Variants in SLC35F4 observed in about 807,000 individuals in gnomAD.
The protein encoded by SLC35F4 is chromosome 14 open reading frame 36.
SLC35F4 carries 24 observed loss-of-function variants against 44.2 expected under a neutral mutation model. That is an observed-to-expected ratio of 0.54 (90% CI 0.39 to 0.76). SLC35F4 has a LOEUF of 0.76. Ranked by LOEUF, SLC35F4 falls within the 30% of genes least tolerant of loss-of-function variation. The pLI is 0.00. For missense variants in SLC35F4, 562 were observed against 586.1 expected, an observed-to-expected ratio of 0.96 and a Z score of 0.42; for synonymous variants, 238 against 223.6, an observed-to-expected ratio of 1.06 and a Z score of -0.57.
intron 1 of SLC35F4, among the ~76,000 whole-genome samples, chr14:57,702,454 A>G (rs142590615): frequency 2.4e-4 from 37 of 152,090 alleles, no homozygotes; most frequent in African/African-American, 7.5e-4. Context: ...TTGTGACTTG[A>G]TATGTCCTTG....
chr14:57,628,721 A>G (rs1403557108), intron 1 of SLC35F4, among the ~76,000 whole-genome samples: 1 of 152,154 alleles, frequency 6.6e-6, no homozygotes, highest in Non-Finnish European at 1.5e-5. Context: ...TAGCAAAGTC[A>G]AAGACACGAA....
At chr14:57,597,403 C>A (rs775327349) in intron 1 of SLC35F4, among the ~76,000 whole-genome samples, 1 of 152,202 alleles carries the variant, frequency 6.6e-6, no homozygotes, top group Non-Finnish European at 1.5e-5. Context: ...TGGTTGGGAT[C>A]TGCATGCTCC....
intron 1 of SLC35F4, among the ~76,000 whole-genome samples, chr14:57,686,132 T>C (rs774380003): frequency 2.6e-5 from 4 of 152,170 alleles, no homozygotes; most frequent in African/African-American, 9.6e-5. Context: ...TGTTTAACCA[T>C]AGTTTCTAAG....
intron 1 of SLC35F4, among the ~76,000 whole-genome samples, chr14:57,952,999 G>A (rs943725893): frequency 7.9e-5 from 12 of 151,992 alleles, no homozygotes; most frequent in African/African-American, 2.4e-4. Context: ...GATTCACCAA[G>A]GTTGAAATGA....
intron 1 of SLC35F4, among the ~76,000 whole-genome samples, chr14:57,735,174 T>C (rs974911361): frequency 1.3e-5 from 2 of 151,842 alleles, no homozygotes; most frequent in African/African-American, 4.8e-5. Flanking sequence ...AGTTGCAGAC[T>C]TTTTTTTCTT....
chr14:57,932,005 G>A (rs1396928414), intron 1 of SLC35F4, among the ~76,000 whole-genome samples: 17 of 152,074 alleles, frequency 1.1e-4, no homozygotes, highest in Admixed American at 9.2e-4. Flanking sequence ...GACAATGGCC[G>A]GTGTCCTTGA....
intron 1 of SLC35F4, among the ~76,000 whole-genome samples, chr14:57,804,102 G>C (rs576165216): frequency 6.6e-6 from 1 of 152,222 alleles, no homozygotes; most frequent in South Asian, 2.1e-4. Context: ...ACAAACCACT[G>C]CTCAAAGAAA....
chr14:57,870,784 C>A (rs1390961201), upstream of SLC35F4, among the ~76,000 whole-genome samples: 1 of 152,208 alleles, frequency 6.6e-6, no homozygotes, highest in East Asian at 1.9e-4. Flanking sequence ...TTGATTTACA[C>A]TTTCACTCTC....
intron 1 of SLC35F4, among the ~76,000 whole-genome samples, chr14:57,738,764 T>C (rs1310450697): frequency 2.3e-4 from 17 of 74,936 alleles, no homozygotes; most frequent in East Asian, 4.7e-4. Context: ...TATATATATA[T>C]ATATATATAT....
intron 1 of SLC35F4, among the ~76,000 whole-genome samples, chr14:57,894,067 T>C (rs1266482472): frequency 1.3e-5 from 2 of 152,150 alleles, no homozygotes; most frequent in East Asian, 1.9e-4. Flanking sequence ...TCGTAGAAGA[T>C]AGCAAATGGA....
intron 1 of SLC35F4, among the ~76,000 whole-genome samples, chr14:57,752,883 T>A (rs1256820664): frequency 6.6e-6 from 1 of 152,172 alleles, no homozygotes; most frequent in Non-Finnish European, 1.5e-5. Flanking sequence ...CTGCTGTTGC[T>A]ACAGCAGAAG....
intron 1 of SLC35F4, among the ~76,000 whole-genome samples, chr14:57,751,065 C>A (rs1273856516): frequency 6.6e-6 from 1 of 152,166 alleles, no homozygotes; most frequent in African/African-American, 2.4e-5. Flanking sequence ...AGACTGAAAA[C>A]CAATGTGTCA....
intron 1 of SLC35F4, among the ~76,000 whole-genome samples, chr14:57,979,819 A>T (rs1252144291): frequency 6.7e-6 from 1 of 149,870 alleles, no homozygotes; most frequent in Non-Finnish European, 1.5e-5. Flanking sequence ...GAGTCAGCTG[A>T]CACTGACTCA....
In SLC35F4 at chr14:57,907,737, C is replaced by T. The variant is rs115744983; in HGVS notation, n.282+74176G>A. Among the ~76,000 whole-genome samples, 939 of 152,228 alleles carry T rather than the reference C, an allele frequency of 6.2e-3. 5 individuals are homozygous for T. The highest frequency in any genetic ancestry group is 0.021 in the African/African-American group (872 of 41,542). On this transcript the variant is annotated intron_variant and non_coding_transcript_variant, in intron 1 of 1. Coordinates refer to the SLC35F4 transcript ENST00000556568. Reference sequence around the variant, plus strand: ...TTGCAGAACCTGTATGAATAAGGCACTGTTAGAACTACTGTGGGAACCATC... The same window carrying T: ...TTGCAGAACCTGTATGAATAAGGCATTGTTAGAACTACTGTGGGAACCATC...
At position 57,581,298 on chromosome 14, in the gene SLC35F4, A is replaced by G; in HGVS notation, c.723T>C (p.Asp241=). The G allele has an allele frequency of 6.2e-7, 1 of 1,613,818 alleles. No individual in the cohort carries two copies. The highest frequency in any genetic ancestry group is 1.1e-5 in the South Asian group (1 of 91,048). The change falls in exon 4 of 8, where the codon GAT becomes GAC. Residue 241 remains aspartate, a synonymous_variant. Transcript: ENST00000556826. Reference sequence around the variant, plus strand: ...TGTTACAACAGAACAGAGCGGAGACATCCGTGGCCGTCAGCTTCTTTAAAG... The same window carrying G: ...TGTTACAACAGAACAGAGCGGAGACGTCCGTGGCCGTCAGCTTCTTTAAAG... ...LLALKKLTAT[D]VSALFCCNKA... is the part of the protein sequence containing the mutation.
chr14:57,842,958 C>T (rs1254071417), intron 1 of SLC35F4, among the ~76,000 whole-genome samples: 2 of 152,158 alleles, frequency 1.3e-5, no homozygotes, highest in Non-Finnish European at 2.9e-5. Flanking sequence ...AGTCTTCCAG[C>T]CTTCATCTTC....
intron 1 of SLC35F4, among the ~76,000 whole-genome samples, chr14:57,876,484 A>T (rs1427531963): frequency 6.6e-6 from 1 of 152,238 alleles, no homozygotes; most frequent in African/African-American, 2.4e-5. Context: ...GACTAGCCCA[A>T]TATAACCACA....
At chr14:57,919,981 T>G (rs1450970855) in intron 1 of SLC35F4, among the ~76,000 whole-genome samples, 2 of 152,198 alleles carry the variant, frequency 1.3e-5, no homozygotes, top group Non-Finnish European at 2.9e-5. Flanking sequence ...TTCACATGCC[T>G]TGCCTCCTCT....
intron 3 of SLC35F4, among the ~76,000 whole-genome samples, chr14:57,586,687 C>T (rs1409605888): frequency 8.0e-6 from 1 of 125,242 alleles, no homozygotes; most frequent in East Asian, 2.7e-4. Context: ...CACTGCACTC[C>T]AGCCTGGGTG....
Sources: gnomAD v4.1 joint callset for allele counts (sites outside exome capture counted in the v4.1 genomes callset) on GRCh38, gnomAD v4.1.1 for gene constraint, MANE v1.5 for transcripts, NCBI Gene and HGNC (gene_info 2026-07-23, HGNC 2026-07-21) for gene names.